Variants in SKA3 observed in about 807,000 individuals in gnomAD.
SKA3 encodes the protein spindle and kinetochore associated complex subunit 3, also known as spindle and kinetochore-associated protein 3.
SKA3 carries 39 observed loss-of-function variants against 44.2 expected under a neutral mutation model. That is an observed-to-expected ratio of 0.88 (90% CI 0.68 to 1.15). The LOEUF (loss-of-function observed/expected upper bound fraction) is 1.15. Ranked by LOEUF, SKA3 falls within the 50% of genes most tolerant of loss-of-function variation. The probability of loss-of-function intolerance (pLI) is 0.00; values close to 1 mark genes in which losing one functional copy is unlikely to be tolerated. For synonymous variants in SKA3, 192 were observed against 172.0 expected, an observed-to-expected ratio of 1.12 and a Z score of -0.91; for missense variants, 511 against 485.8, an observed-to-expected ratio of 1.05 and a Z score of -0.49.
In SKA3 at chr13:21,176,375, C is replaced by T. The variant is rs969957339; in HGVS notation, c.103G>A (p.Asp35Asn). 8 of 1,564,600 alleles carry T rather than the reference C, an allele frequency of 5.1e-6. No homozygotes were observed. Among genetic ancestry groups the T allele is most frequent in the African/African-American group, 4.1e-5 (3 of 72,310 alleles). The part of the protein sequence containing the change: ...LQRALDGEES[D>N]FEDYPMRILY... ...TGCCCTGGCCGCCCGCCTCACGCACCGCTTTCCTCTCCGTCCAGCGCTCGC... is the reference window on the plus strand; with the variant it reads ...TGCCCTGGCCGCCCGCCTCACGCACTGCTTTCCTCTCCGTCCAGCGCTCGC... The change falls in exon 1 of 9, where the codon GAC becomes AAC. Residue 35 changes from aspartate to asparagine, a missense_variant and splice_region_variant. By Grantham distance (23) the Asp-to-Asn change is conservative. Transcript: ENST00000314759.
Position 21,168,394 on chromosome 13 carries a change from C to G in SKA3, c.337G>C (p.Glu113Gln). Residue 113 changes from glutamate to glutamine, a missense_variant, in exon 4 of 9, where the codon GAG becomes CAG. Physicochemically the swap from Glu to Gln is conservative, Grantham distance 29. Transcript: ENST00000314759. ...SPRVKKNSVH[E>Q]QEAINSDPEL... Reference sequence around the variant, plus strand: ...GGGTCAGAGTTAATGGCTTCTTGCTCGTGTACTAGGAGGAAAAATCAGAAT... The same window carrying G: ...GGGTCAGAGTTAATGGCTTCTTGCTGGTGTACTAGGAGGAAAAATCAGAAT... 6.3e-7 allele frequency: 1 copy of G among 1,590,816 alleles called. No individual in the cohort carries two copies.
intron 4 of SKA3, among the ~76,000 whole-genome samples, chr13:21,165,895 A>G (rs1462696481): frequency 6.6e-6 from 1 of 152,096 alleles, no homozygotes; most frequent in East Asian, 1.9e-4. Flanking sequence ...AGATTGCCCC[A>G]GTGCACTCCA....
At chr13:21,168,939 A>G (rs910642525) in intron 3 of SKA3, among the ~76,000 whole-genome samples, 4 of 152,232 alleles carry the variant, frequency 2.6e-5, no homozygotes, top group Non-Finnish European at 5.9e-5. Context: ...AAGTGTTATA[A>G]GATGAAAAAT....
chr13:21,169,292 A>G (rs9509576), intron 3 of SKA3, among the ~76,000 whole-genome samples: 138,103 of 151,688 alleles, frequency 0.91, 63,246 homozygotes, highest in East Asian at 1. Flanking sequence ...GCTGGAGTGC[A>G]GTGGCAATCT....
chr13:21,167,877 C>A (rs1309643856), intron 4 of SKA3, 111 bp downstream of exon 4: 5 of 781,248 alleles, frequency 6.4e-6, no homozygotes, highest in East Asian at 5.3e-5. Flanking sequence ...TATCTGAAAA[C>A]TTTTTAAAGC....
chr13:21,167,909 T>C (rs1870804818), intron 4 of SKA3, 79 bp downstream of exon 4: 1 of 1,232,574 alleles, frequency 8.1e-7, no homozygotes, highest in Admixed American at 3.2e-5. Context: ...AAACATTTTA[T>C]TTCTTCTGGA....
At chr13:21,157,824 G>T in intron 7 of SKA3, 98 bp downstream of exon 7, 1 of 698,410 alleles carries the variant, frequency 1.4e-6, no homozygotes, top group South Asian at 2.7e-5. Flanking sequence ...CTAGCCCAAT[G>T]ATAAATAAGA....
intron 3 of SKA3, among the ~76,000 whole-genome samples, 184 bp from the exon 4 acceptor site, chr13:21,168,583 G>A (rs569093116): frequency 4.5e-4 from 68 of 152,314 alleles, no homozygotes; most frequent in African/African-American, 1.6e-3. Flanking sequence ...CTGGAGTACA[G>A]AGGTGTGATC....
chr13:21,172,812 A>T (rs1355692232), intron 1 of SKA3, 131 bp from the exon 2 acceptor site: 3 of 560,732 alleles, frequency 5.4e-6, no homozygotes, highest in Non-Finnish European at 9.4e-6. Context: ...CAGTGGTACC[A>T]TAAGATAATA....
At chr13:21,166,319 C>T (rs767047636) in intron 4 of SKA3, among the ~76,000 whole-genome samples, 64 of 151,926 alleles carry the variant, frequency 4.2e-4, no homozygotes, top group Non-Finnish European at 8.1e-4. Flanking sequence ...ACTGGTCTAC[C>T]CAGGTTTTCT....
chr13:21,171,003 T>C (rs954502321), intron 3 of SKA3, among the ~76,000 whole-genome samples: 4 of 152,286 alleles, frequency 2.6e-5, no homozygotes, highest in African/African-American at 9.6e-5. Flanking sequence ...AGTAGCTCAC[T>C]GTGGCCTTGA....
At position 21,154,686 on chromosome 13, in the gene SKA3, C is replaced by G. The variant is rs1040425890; in HGVS notation, c.*464G>C. On this transcript the variant is annotated 3_prime_UTR_variant, in exon 9 of 9. Transcript: ENST00000314759. ...AACTGGTGTTCCTGTTGTTTGCAAA[C>G]AGCAACTGCATCTTCAGACAGCACT... 3 of 183,508 alleles carry G rather than the reference C, an allele frequency of 1.6e-5. No homozygotes were observed. The highest frequency in any genetic ancestry group is 7.2e-5 in the African/African-American group (3 of 41,856). The allele number at this position is 183,508 out of a possible 1,614,324, so 11.4% of individuals were successfully genotyped here.
intron 1 of SKA3, among the ~76,000 whole-genome samples, chr13:21,175,184 G>C (rs1411764870): frequency 6.6e-6 from 1 of 151,554 alleles, no homozygotes; most frequent in Non-Finnish European, 1.5e-5. Context: ...CACCACGTTG[G>C]CCAGGCTGGT....
chr13:21,155,740 G>A lies in SKA3; in HGVS notation c.1191C>T (p.Phe397=). ...CTCGGATGTTCTGTCCATGTTTAAGGAACCTTTTACTGGGTGGCACTGCTT... is the reference window on the plus strand; with the variant it reads ...CTCGGATGTTCTGTCCATGTTTAAGAAACCTTTTACTGGGTGGCACTGCTT... ...AIKAVPPSKR[F]LKHGQNIRDV... The change falls in exon 8 of 9, where the codon TTC becomes TTT. Residue 397 remains phenylalanine (F), a synonymous_variant. Transcript: ENST00000314759. 1 of 1,611,994 alleles carries A rather than the reference G, an allele frequency of 6.2e-7. No individual in the cohort carries two copies. The highest frequency in any genetic ancestry group is 8.5e-7 in the Non-Finnish European group (1 of 1,178,822).
At chr13:21,172,714 A>C in intron 1 of SKA3, 33 bp from the exon 2 acceptor site, 4 of 1,316,708 alleles carry the variant, frequency 3.0e-6, no homozygotes, top group Non-Finnish European at 4.2e-6. Flanking sequence ...AAAGAAGTCC[A>C]ATAAATGTAA....
intron 1 of SKA3, among the ~76,000 whole-genome samples, chr13:21,174,345 T>C (rs1166179810): frequency 2.0e-5 from 3 of 152,140 alleles, no homozygotes; most frequent in Non-Finnish European, 4.4e-5. Flanking sequence ...AACCCAAATG[T>C]CCATCAATGA....
chr13:21,176,278 T>G, intron 1 of SKA3, 97 bp downstream of exon 1: 1 of 953,848 alleles, frequency 1.0e-6, no homozygotes, highest in Admixed American at 3.3e-5. Flanking sequence ...ACGCCGTCAG[T>G]GCCTGGCGGT....
chr13:21,157,889 C>CCAA (rs1555233746), intron 7 of SKA3, 33 bp downstream of exon 7: 84 of 1,215,496 alleles, frequency 6.9e-5, no homozygotes, highest in Non-Finnish European at 9.1e-5. Context: ...AGAATATCAG[C>CCAA]AAAAAAAAAA....
intron 5 of SKA3, among the ~76,000 whole-genome samples, chr13:21,160,331 T>C (rs1389838770): frequency 1.3e-5 from 2 of 151,854 alleles, no homozygotes; most frequent in Non-Finnish European, 2.9e-5. Flanking sequence ...TCACTTGTCT[T>C]CCAAGATGGC....
Sources: gnomAD v4.1 joint callset for allele counts (sites outside exome capture counted in the v4.1 genomes callset) on GRCh38, gnomAD v4.1.1 for gene constraint, MANE v1.5 for transcripts, NCBI Gene and HGNC (gene_info 2026-07-23, HGNC 2026-07-21) for gene names.